The following PEAK1 variants were observed in gnomAD, a reference collection of about 807,000 sequenced individuals.
PEAK1 encodes inactive tyrosine-protein kinase PEAK1.
PEAK1 carries 54 observed loss-of-function variants against 124.7 expected under a neutral mutation model. The ratio of observed to expected loss-of-function variants is 0.43; its 90% CI spans 0.35 to 0.54. The LOEUF (loss-of-function observed/expected upper bound fraction) is 0.54, where lower values mean the gene tolerates loss of function less well. Ranked by LOEUF, PEAK1 falls within the 20% of genes least tolerant of loss-of-function variation. The probability of loss-of-function intolerance (pLI) is 0.01; values close to 1 mark genes in which losing one functional copy is unlikely to be tolerated. For synonymous variants in PEAK1, 719 were observed against 760.0 expected (o/e 0.95, Z 0.89); for missense variants, 2,046 against 2,134.5 (o/e 0.96, Z 0.82).
At chr15:77,186,140 C>A (rs2057534865) in intron 6 of PEAK1, among the ~76,000 whole-genome samples, 1 of 152,098 alleles carries the variant, frequency 6.6e-6, no homozygotes, top group Admixed American at 6.5e-5. Context: ...AGTTTGGGGG[C>A]AGTTCCTGTC....
intron 7 of PEAK1, among the ~76,000 whole-genome samples, chr15:77,164,888 T>C (rs901065419): frequency 2.0e-5 from 3 of 152,080 alleles, no homozygotes; most frequent in African/African-American, 7.2e-5. Context: ...AGGAAGGATG[T>C]TGAACAGGCT....
chr15:77,174,944 G>A (rs1280714745), intron 7 of PEAK1, among the ~76,000 whole-genome samples: 2 of 151,578 alleles, frequency 1.3e-5, no homozygotes, highest in Non-Finnish European at 2.9e-5. Flanking sequence ...CAGAAATAAC[G>A]CCACATATCT....
intron 6 of PEAK1, among the ~76,000 whole-genome samples, chr15:77,189,440 C>G (rs1396600605): frequency 1.3e-5 from 1 of 79,152 alleles, no homozygotes; most frequent in East Asian, 2.5e-4. Context: ...ACAGTCCACA[C>G]AGCAGCAGCA....
At position 77,176,267 on chromosome 15, in the gene PEAK1, A is replaced by AG. The variant is rs202150515; in HGVS notation, c.3137+2522_3137+2523insC. Among the ~76,000 whole-genome samples the AG allele has an allele frequency of 9.7e-3, 1,464 of 150,190 alleles. 30 individuals are homozygous for AG. Among genetic ancestry groups the AG allele is most frequent in the African/African-American group, 0.034 (1,398 of 40,822 alleles). ...TAAAGTATAATAATAAGAAGAAAAA[A>AG]AAAAGAAAAGAAAAAAAAAAAGAAA... is the stretch of plus-strand genomic sequence containing the variant. On this transcript the variant is annotated intron_variant, in intron 7 of 9. Transcript: ENST00000682557.
At chr15:77,188,019 A>T (rs1179049343) in intron 6 of PEAK1, among the ~76,000 whole-genome samples, 1 of 152,204 alleles carries the variant, frequency 6.6e-6, no homozygotes, top group Non-Finnish European at 1.5e-5. Context: ...TATGACTAAA[A>T]GGGTGGGGAG....
Position 77,114,222 on chromosome 15 carries a change from A to G in PEAK1, c.5175T>C (p.Ala1725=). Residue 1725 remains alanine (A), a synonymous_variant, in exon 10 of 10, where the codon GCT becomes GCC. Coordinates refer to ENST00000682557, the MANE Select transcript of PEAK1 (RefSeq NM_001385026.1). ...GGISLEDWLC[A]QYLAFATTDS... ...CTGTAGTGGCAAAAGCCAAATACTGAGCACAAAGCCAGTCCTCAAGGCTGA... is the reference window on the plus strand; with the variant it reads ...CTGTAGTGGCAAAAGCCAAATACTGGGCACAAAGCCAGTCCTCAAGGCTGA... 6.2e-7 allele frequency: 1 copy of G among 1,614,224 alleles called. No individual in the cohort carries two copies. The highest frequency in any genetic ancestry group is 1.1e-5 in the South Asian group (1 of 91,088).
chr15:77,223,850 T>G (rs951917956), intron 6 of PEAK1, among the ~76,000 whole-genome samples: 1 of 151,622 alleles, frequency 6.6e-6, no homozygotes, highest in Non-Finnish European at 1.5e-5. Context: ...AGATGATGAG[T>G]TAATTTTGAA....
intron 2 of PEAK1, among the ~76,000 whole-genome samples, chr15:77,295,584 A>G (rs1015817570): frequency 6.6e-6 from 1 of 152,172 alleles, no homozygotes; most frequent in Non-Finnish European, 1.5e-5. Flanking sequence ...ATTACTTGAT[A>G]CTGAAAACTG....
At chr15:77,156,160 C>G (rs915655788) in intron 8 of PEAK1, 38 of 153,980 alleles carry the variant, frequency 2.5e-4, no homozygotes, top group African/African-American at 8.6e-4. Flanking sequence ...CCAGTTCGAG[C>G]TTCCGGGCTG....
At chr15:77,296,055 T>A (rs114554719) in intron 2 of PEAK1, among the ~76,000 whole-genome samples, 3,295 of 152,308 alleles carry the variant, frequency 0.022, 118 homozygotes, top group African/African-American at 0.074. Context: ...AGGAAGTGTA[T>A]TAATTTAAAG....
intron 2 of PEAK1, among the ~76,000 whole-genome samples, chr15:77,358,131 G>T (rs1301509233): frequency 1.3e-5 from 2 of 152,168 alleles, no homozygotes; most frequent in African/African-American, 4.8e-5. Context: ...CATGCAATCT[G>T]CCATTTCTGC....
intron 6 of PEAK1, among the ~76,000 whole-genome samples, chr15:77,235,523 G>A (rs1399049803): frequency 6.6e-6 from 1 of 152,134 alleles, no homozygotes; most frequent in African/African-American, 2.4e-5. Flanking sequence ...TCTGGCAGAA[G>A]AAATTTCTAA....
chr15:77,231,348 AG>A (rs2059903063), intron 6 of PEAK1, among the ~76,000 whole-genome samples: 1 of 152,206 alleles, frequency 6.6e-6, no homozygotes, highest in African/African-American at 2.4e-5. Context: ...TCAATAAAAA[AG>A]GAATCTCTAC....
intron 6 of PEAK1, among the ~76,000 whole-genome samples, chr15:77,245,382 C>A (rs1051606267): frequency 3.8e-4 from 58 of 151,748 alleles, no homozygotes; most frequent in African/African-American, 1.3e-3. Flanking sequence ...AAAAGGATGT[C>A]TAACTCTTCT....
At chr15:77,302,368 C>G (rs1412916917) in intron 2 of PEAK1, among the ~76,000 whole-genome samples, 1 of 152,172 alleles carries the variant, frequency 6.6e-6, no homozygotes, top group African/African-American at 2.4e-5. Context: ...ATATCAATGT[C>G]TCCAACATGA....
chr15:77,407,534 A>G (rs2071932116), intron 1 of PEAK1, among the ~76,000 whole-genome samples: 1 of 152,216 alleles, frequency 6.6e-6, no homozygotes, highest in African/African-American at 2.4e-5. Context: ...ATCACTAATC[A>G]GGGAAATGCA....
intron 6 of PEAK1, among the ~76,000 whole-genome samples, chr15:77,251,948 A>G (rs1351298013): frequency 6.6e-6 from 1 of 152,212 alleles, no homozygotes; most frequent in Non-Finnish European, 1.5e-5. Flanking sequence ...GCTCTGCAGG[A>G]GCAGTCAAAG....
At chr15:77,366,293 C>A (rs1364898782) in intron 1 of PEAK1, among the ~76,000 whole-genome samples, 1 of 152,032 alleles carries the variant, frequency 6.6e-6, no homozygotes, top group Non-Finnish European at 1.5e-5. Flanking sequence ...CTACTGCAGT[C>A]ATTATGGAGT....
At chr15:77,141,035 G>T (rs1387988428) in intron 8 of PEAK1, among the ~76,000 whole-genome samples, 2 of 152,094 alleles carry the variant, frequency 1.3e-5, no homozygotes, top group East Asian at 3.8e-4. Flanking sequence ...GGAGGTTCTA[G>T]TCAGGGATAT....
Sources: allele counts gnomAD v4.1 joint callset (sites outside exome capture counted in the v4.1 genomes callset), GRCh38; gene constraint gnomAD v4.1.1; transcripts MANE v1.5; gene names NCBI Gene and HGNC (gene_info 2026-07-23, HGNC 2026-07-21).